Variants in ERICH6B observed in about 807,000 individuals in gnomAD.
ERICH6B encodes the protein glutamate rich 6B, also known as glutamate-rich protein 6B.
Under a neutral mutation model 80.0 loss-of-function variants are expected in ERICH6B, and 69 were observed. That is an observed-to-expected ratio of 0.86 (90% CI 0.71 to 1.05). ERICH6B has a LOEUF of 1.05. ERICH6B is among the 50% of genes least tolerant of loss of function. The pLI is 0.00. For synonymous variants in ERICH6B, 283 were observed against 291.9 expected (o/e 0.97, Z 0.31); for missense variants, 754 against 796.1 (o/e 0.95, Z 0.64).
intron 2 of ERICH6B, among the ~76,000 whole-genome samples, chr13:45,598,553 A>C (rs1876499332): frequency 6.6e-6 from 1 of 152,164 alleles, no homozygotes; most frequent in African/African-American, 2.4e-5. Flanking sequence ...TGAGACCACC[A>C]GGATGAATTT....
Position 45,579,953 on chromosome 13 carries a change from T to C in ERICH6B, c.941A>G (p.Gln314Arg), listed in dbSNP as rs1245076406. Residue 314 changes from glutamine to arginine, a missense_variant, in exon 7 of 15, where the codon CAG (glutamine) becomes CGG (arginine). Transcript: ENST00000298738. ...APEEHVNTKV[Q>R]QKKEENVLEF... is the part of the protein sequence containing the mutation. ...CTCACCATTTTCTTCCTTTTTTTGCTGTACTTTAGTGTTAACATGCTCTAA... is the reference window on the plus strand; with the variant it reads ...CTCACCATTTTCTTCCTTTTTTTGCCGTACTTTAGTGTTAACATGCTCTAA... 1 of 1,551,346 alleles carries C rather than the reference T, an allele frequency of 6.4e-7. No homozygotes were observed. The highest frequency in any genetic ancestry group is 8.7e-7 in the Non-Finnish European group (1 of 1,146,788).
chr13:45,610,974 A>G (rs919556776), intron 1 of ERICH6B, among the ~76,000 whole-genome samples: 1 of 152,066 alleles, frequency 6.6e-6, no homozygotes, highest in Admixed American at 6.6e-5. Context: ...TAGTTACTTT[A>G]TATGAACCCC....
chr13:45,573,480 C>A (rs77653908), intron 8 of ERICH6B, among the ~76,000 whole-genome samples: 3 of 152,088 alleles, frequency 2.0e-5, no homozygotes, highest in Non-Finnish European at 4.4e-5. Context: ...TTTCCTACTT[C>A]AATATTTTAA....
At chr13:45,580,493 G>T (rs1875609964) in intron 6 of ERICH6B, 110 bp downstream of exon 6, 3 of 1,134,738 alleles carry the variant, frequency 2.6e-6, no homozygotes, top group Admixed American at 2.1e-5. Flanking sequence ...TTCTAAAATG[G>T]CCAACAGCAT....
chr13:45,563,095 T>G (rs1295440419), intron 10 of ERICH6B, among the ~76,000 whole-genome samples: 1 of 152,210 alleles, frequency 6.6e-6, no homozygotes, highest in East Asian at 1.9e-4. Flanking sequence ...ATTAGATCCA[T>G]GAAGCTGGTA....
At chr13:45,605,673 C>G (rs1949853789) in intron 2 of ERICH6B, among the ~76,000 whole-genome samples, 1 of 152,220 alleles carries the variant, frequency 6.6e-6, no homozygotes, top group Non-Finnish European at 1.5e-5. Context: ...AGGGAACCTT[C>G]TTAGGGGTCT....
intron 2 of ERICH6B, among the ~76,000 whole-genome samples, chr13:45,606,520 TATATATATATATATATATATA>T (rs1949862699): frequency 2.0e-4 from 4 of 20,214 alleles, no homozygotes; most frequent in Admixed American, 6.0e-4. Flanking sequence ...TATATATATA[TATATATATATATATATATATA>T]TATATATTTT....
At chr13:45,579,505 T>A (rs982778120) in intron 7 of ERICH6B, among the ~76,000 whole-genome samples, 2 of 152,138 alleles carry the variant, frequency 1.3e-5, no homozygotes, top group Non-Finnish European at 2.9e-5. Flanking sequence ...ACCAGCCCCC[T>A]CTTAATAAAC....
chr13:45,588,702 C>T (rs7328443), intron 4 of ERICH6B, among the ~76,000 whole-genome samples: 1 of 152,236 alleles, frequency 6.6e-6, no homozygotes, highest in African/African-American at 2.4e-5. Context: ...TTTCCACTAT[C>T]ATGTACTTTT....
chr13:45,543,282 G>A (rs1376199669), intron 14 of ERICH6B, among the ~76,000 whole-genome samples: 5 of 152,190 alleles, frequency 3.3e-5, no homozygotes, highest in African/African-American at 1.2e-4. Flanking sequence ...TACAGTTGGA[G>A]CTCTGGGGGT....
In ERICH6B at chr13:45,587,777, C is replaced by T. The variant is rs149887528; in HGVS notation, c.687-545G>A. Reference sequence around the variant, plus strand: ...GGTAGCTTAGGATCAAGAGGGATGACCCTGACACATCAACCCACACTATGT... The same window carrying T: ...GGTAGCTTAGGATCAAGAGGGATGATCCTGACACATCAACCCACACTATGT... On this transcript the variant is annotated intron_variant, in intron 4 of 14. Coordinates refer to ENST00000298738, the MANE Select transcript of ERICH6B (RefSeq NM_182542.3). Among the ~76,000 whole-genome samples the T allele has an allele frequency of 1.0e-3, 157 of 152,308 alleles. 1 individual carries two copies. The highest frequency in any genetic ancestry group is 3.6e-3 in the African/African-American group (149 of 41,554).
In ERICH6B at chr13:45,597,057, T is replaced by C; in HGVS notation, c.-52A>G. 5 of 1,470,012 alleles carry C rather than the reference T, an allele frequency of 3.4e-6. No individual in the cohort carries two copies. The highest frequency in any genetic ancestry group is 4.5e-6 in the Non-Finnish European group (5 of 1,107,898). 91.1% of individuals were successfully genotyped at this position (1,470,012 alleles called of 1,614,324 possible). A position where few individuals can be genotyped will look rare whatever the true frequency, so the allele number is the denominator to read the frequency against. On this transcript the variant is annotated 5_prime_UTR_variant, in exon 3 of 15. The change creates a new upstream start codon in the 5' untranslated region. Transcript: ENST00000298738. ...CCTTCTGCAGCAGCCAACGTCACTTTATTATCCTGTATCCAAGAAAGGAAT... is the reference window on the plus strand; with the variant it reads ...CCTTCTGCAGCAGCCAACGTCACTTCATTATCCTGTATCCAAGAAAGGAAT...
intron 10 of ERICH6B, among the ~76,000 whole-genome samples, chr13:45,562,617 G>A (rs1000640552): frequency 1.3e-5 from 2 of 152,150 alleles, no homozygotes; most frequent in Admixed American, 6.5e-5. Context: ...TTAGGAGAGC[G>A]CCGTGCATCC....
At chr13:45,598,481 A>G (rs772356556) in intron 2 of ERICH6B, among the ~76,000 whole-genome samples, 3 of 152,106 alleles carry the variant, frequency 2.0e-5, no homozygotes, top group Non-Finnish European at 4.4e-5. Context: ...AGAGATACAT[A>G]TCTTGGCCTG....
intron 11 of ERICH6B, among the ~76,000 whole-genome samples, chr13:45,554,469 T>C (rs977359653): frequency 3.3e-5 from 5 of 152,214 alleles, no homozygotes; most frequent in Admixed American, 1.3e-4. Context: ...GTAGCGGGTA[T>C]TTGTCACTTA....
At chr13:45,580,518 G>C in intron 6 of ERICH6B, 85 bp downstream of exon 6, 1 of 1,393,106 alleles carries the variant, frequency 7.2e-7, no homozygotes, top group South Asian at 1.2e-5. Flanking sequence ...TCCTTGGCTG[G>C]GGGCAGGCTA....
chr13:45,546,348 G>A (rs1176850985), intron 13 of ERICH6B, among the ~76,000 whole-genome samples: 4 of 152,216 alleles, frequency 2.6e-5, no homozygotes, highest in South Asian at 2.1e-4. Flanking sequence ...GAAAGGAAGC[G>A]ATGCTGAGGC....
intron 11 of ERICH6B, among the ~76,000 whole-genome samples, chr13:45,558,389 C>G (rs1254696158): frequency 6.6e-6 from 1 of 152,156 alleles, no homozygotes; most frequent in African/African-American, 2.4e-5. Flanking sequence ...CAAACAGTGA[C>G]AGTTTGGCTT....
At chr13:45,557,202 A>AT (rs1418840652) in intron 11 of ERICH6B, among the ~76,000 whole-genome samples, 13 of 151,560 alleles carry the variant, frequency 8.6e-5, no homozygotes, top group Non-Finnish European at 1.9e-4. Flanking sequence ...GATGTTGAGC[A>AT]TTTTTTCACG....
Sources: allele counts gnomAD v4.1 joint callset (sites outside exome capture counted in the v4.1 genomes callset), GRCh38; gene constraint gnomAD v4.1.1; transcripts MANE v1.5; gene names NCBI Gene and HGNC (gene_info 2026-07-23, HGNC 2026-07-21).